CCDC93: variants seen among roughly 807,000 people sequenced by gnomAD.
CCDC93 encodes the protein CCC complex scaffolding subunit CCDC93.
CCDC93 carries 61 observed loss-of-function variants against 108.2 expected under a neutral mutation model. That is an observed-to-expected ratio of 0.56 (90% CI 0.46 to 0.70). CCDC93 has a LOEUF of 0.70. CCDC93 is among the 30% of genes least tolerant of loss of function. CCDC93 has a pLI of 0.00. For missense variants in CCDC93, 685 were observed against 764.2 expected (o/e 0.90, Z 1.22); for synonymous variants, 276 against 260.4 (o/e 1.06, Z -0.58).
chr2:118,003,624 G>T (rs1256980542), intron 3 of CCDC93, among the ~76,000 whole-genome samples: 1 of 152,172 alleles, frequency 6.6e-6, no homozygotes, highest in East Asian at 1.9e-4. Flanking sequence ...CCACCATCCA[G>T]CCTAACCCCC....
chr2:117,979,342 C>T (rs1419141071), intron 7 of CCDC93, among the ~76,000 whole-genome samples: 5 of 152,146 alleles, frequency 3.3e-5, no homozygotes, highest in Admixed American at 6.5e-5. Flanking sequence ...GTTCCCCTCT[C>T]GCCCCTGCTT....
intron 18 of CCDC93, among the ~76,000 whole-genome samples, 183 bp from the exon 19 acceptor site, chr2:117,941,480 C>A (rs1413871080): frequency 1.3e-5 from 2 of 152,060 alleles, no homozygotes; most frequent in Non-Finnish European, 2.9e-5. Context: ...TTCCCGCTTT[C>A]CTAGGAGTGG....
chr2:117,975,184 AC>A lies in CCDC93; in HGVS notation c.750+3del. On this transcript the variant is annotated splice_donor_region_variant and intron_variant, in intron 9 of 23. Coordinates refer to ENST00000376300, the MANE Select transcript of CCDC93 (RefSeq NM_019044.5). ...ACCTCAGAGGGCCTACATGGACCAC[AC>A]ACCTCTTCAGCTGCTCGAAGCTCAT... 1 of 1,612,398 alleles carries A rather than the reference AC, an allele frequency of 6.2e-7. No individual in the cohort carries two copies. The highest frequency in any genetic ancestry group is 1.1e-5 in the South Asian group (1 of 91,056).
At chr2:117,926,413 G>A (rs534854143) in intron 23 of CCDC93, among the ~76,000 whole-genome samples, 46 of 151,910 alleles carry the variant, frequency 3.0e-4, no homozygotes, top group Middle Eastern at 3.4e-3. Context: ...TCAAATAGAC[G>A]CAATAAAAAA....
chr2:117,928,580 G>C (rs1036019568), intron 23 of CCDC93, among the ~76,000 whole-genome samples: 10 of 152,206 alleles, frequency 6.6e-5, no homozygotes, highest in Non-Finnish European at 1.3e-4. Flanking sequence ...ACACCAGTTA[G>C]AATGGCAATC....
chr2:117,940,254 G>C (rs1371368788), intron 19 of CCDC93, among the ~76,000 whole-genome samples: 1 of 152,190 alleles, frequency 6.6e-6, no homozygotes, highest in African/African-American at 2.4e-5. Context: ...TACAAGAGTA[G>C]GAGCCTGGAG....
chr2:117,971,323 A>AAAGTGAG (rs1390977533), intron 11 of CCDC93, among the ~76,000 whole-genome samples: 1 of 152,210 alleles, frequency 6.6e-6, no homozygotes, highest in Non-Finnish European at 1.5e-5. Flanking sequence ...AGATTGTACT[A>AAAGTGAG]CTGCACTCTT....
chr2:118,003,419 A>C (rs1474598188), intron 3 of CCDC93, among the ~76,000 whole-genome samples: 2 of 152,204 alleles, frequency 1.3e-5, no homozygotes, highest in African/African-American at 4.8e-5. Flanking sequence ...AATGAATATC[A>C]GTTCTGGTTT....
intron 6 of CCDC93, 52 bp downstream of exon 6, chr2:117,995,394 C>T (rs1479662766): frequency 7.5e-7 from 1 of 1,335,028 alleles, no homozygotes; most frequent in Admixed American, 1.7e-5. Context: ...TAACAAAGGG[C>T]TATCTGAGGC....
At position 117,970,567 on chromosome 2, in the gene CCDC93, T is replaced by C. The variant is rs1321800804; in HGVS notation, c.888+3341A>G. On this transcript the variant is annotated intron_variant, in intron 11 of 23. Coordinates refer to ENST00000376300, the MANE Select transcript of CCDC93 (RefSeq NM_019044.5). ...ATACTTGCATCACAGTGACAATATA[T>C]TTAAATCTGAAGTATAGACTTTATT... 3.9e-5 allele frequency among the ~76,000 whole-genome samples: 6 copies of C among 152,196 alleles called. No individual in the cohort carries two copies. In the South Asian group the frequency reaches 1.2e-3, roughly 31 times the overall value.
At chr2:117,974,312 C>A (rs1679862429) in intron 10 of CCDC93, among the ~76,000 whole-genome samples, 1 of 152,030 alleles carries the variant, frequency 6.6e-6, no homozygotes. Flanking sequence ...ACAGAGCCTG[C>A]AGGGGATTTG....
At chr2:117,944,180 C>T (rs1039349022) in intron 17 of CCDC93, 94 bp from the exon 18 acceptor site, 9 of 870,982 alleles carry the variant, frequency 1.0e-5, no homozygotes, top group African/African-American at 6.9e-5. Flanking sequence ...TATCATATCT[C>T]CCCCATCCTA....
At chr2:117,922,385 C>CT (rs1192704822) in intron 23 of CCDC93, among the ~76,000 whole-genome samples, 1 of 152,218 alleles carries the variant, frequency 6.6e-6, no homozygotes, top group Non-Finnish European at 1.5e-5. Flanking sequence ...ACCTCAGTCT[C>CT]TTTCCTGCTG....
At chr2:117,954,284 G>A (rs1679150962) in intron 12 of CCDC93, among the ~76,000 whole-genome samples, 1 of 152,174 alleles carries the variant, frequency 6.6e-6, no homozygotes, top group Non-Finnish European at 1.5e-5. Context: ...AGATGGGGCA[G>A]AGCCAGGCCC....
At chr2:118,009,796 A>T (rs10192689) in intron 1 of CCDC93, among the ~76,000 whole-genome samples, 52,860 of 152,154 alleles carry the variant, frequency 0.35, 9,712 homozygotes, top group Middle Eastern at 0.48. Flanking sequence ...TCGAAAACAA[A>T]TATATGAAAG....
intron 4 of CCDC93, 91 bp from the exon 5 acceptor site, chr2:117,996,453 A>C: frequency 1.2e-6 from 1 of 829,496 alleles, no homozygotes; most frequent in Non-Finnish European, 2.1e-6. Context: ...TCATGAACTC[A>C]AATCAGCATA....
At chr2:117,939,199 A>G in intron 19 of CCDC93, 88 bp from the exon 20 acceptor site, 1 of 786,148 alleles carries the variant, frequency 1.3e-6, no homozygotes, top group Non-Finnish European at 2.2e-6. Flanking sequence ...CACTGCCAGG[A>G]CAACTTTGTC....
intron 1 of CCDC93, 80 bp downstream of exon 1, chr2:118,013,874 G>A (rs113201194): frequency 0.03 from 39,724 of 1,316,672 alleles, 817 homozygotes; most frequent in Non-Finnish European, 0.034. Flanking sequence ...CGCACCCAGG[G>A]CCCGCTCAGC....
chr2:118,012,240 C>A (rs1343197885), intron 1 of CCDC93, among the ~76,000 whole-genome samples: 2 of 150,672 alleles, frequency 1.3e-5, no homozygotes, highest in African/African-American at 4.9e-5. Flanking sequence ...CGCCATTGCA[C>A]TCCAGCCTCG....
Sources: gnomAD v4.1 joint callset for allele counts (sites outside exome capture counted in the v4.1 genomes callset) on GRCh38, gnomAD v4.1.1 for gene constraint, MANE v1.5 for transcripts, NCBI Gene and HGNC (gene_info 2026-07-23, HGNC 2026-07-21) for gene names.